Variants in GALNTL6 observed in about 807,000 individuals in gnomAD.
The protein encoded by GALNTL6 is polypeptide N-acetylgalactosaminyltransferase-like 6.
A neutral mutation model predicts 73.7 loss-of-function variants in GALNTL6; 46 were observed. The ratio of observed to expected loss-of-function variants is 0.62; its 90% CI spans 0.49 to 0.80. The LOEUF (loss-of-function observed/expected upper bound fraction) is 0.80. GALNTL6 is among the 30% of genes least tolerant of loss of function. The pLI is 0.00. For missense variants in GALNTL6, 604 were observed against 755.0 expected, an observed-to-expected ratio of 0.80 and a Z score of 2.34; for synonymous variants, 259 against 263.7, an observed-to-expected ratio of 0.98 and a Z score of 0.17.
Position 172,419,613 on chromosome 4 carries a change from T to C in GALNTL6, c.553+70924T>C, listed in dbSNP as rs17058427. The stretch of plus-strand genomic sequence containing the variant: ...TGGAGTGACTTTCGAATTGAGGCTT[T>C]ATGAAGTTAACAAAGAAGAGTTTAT... On this transcript the variant is annotated intron_variant, in intron 5 of 12. Transcript: ENST00000506823. 8.7e-3 allele frequency among the ~76,000 whole-genome samples: 1,329 copies of C among 152,262 alleles called. 23 individuals carry two copies. Among genetic ancestry groups the C allele is most frequent in the African/African-American group, 0.03 (1,267 of 41,556 alleles).
chr4:172,419,766 A>T (rs1049242888), intron 5 of GALNTL6, among the ~76,000 whole-genome samples: 4 of 152,156 alleles, frequency 2.6e-5, no homozygotes, highest in African/African-American at 9.7e-5. Flanking sequence ...CATAAATTTG[A>T]GTGTGACTAA....
At chr4:171,831,804 T>C (rs1022782292) in intron 2 of GALNTL6, among the ~76,000 whole-genome samples, 9 of 151,804 alleles carry the variant, frequency 5.9e-5, no homozygotes, top group Non-Finnish European at 1.0e-4. Flanking sequence ...TCATAATATT[T>C]GTATGCTAAA....
chr4:172,291,623 G>T (rs1233539690), intron 3 of GALNTL6, among the ~76,000 whole-genome samples: 1 of 152,002 alleles, frequency 6.6e-6, no homozygotes, highest in Non-Finnish European at 1.5e-5. Flanking sequence ...CTATAAGATT[G>T]ATGTAGTGTT....
chr4:172,350,249 G>T (rs1741896918), intron 5 of GALNTL6, among the ~76,000 whole-genome samples: 1 of 152,100 alleles, frequency 6.6e-6, no homozygotes, highest in Non-Finnish European at 1.5e-5. Flanking sequence ...TGAACTGGTG[G>T]GTAATAGAGT....
chr4:171,835,553 C>T (rs1735075790), intron 2 of GALNTL6, among the ~76,000 whole-genome samples: 1 of 151,822 alleles, frequency 6.6e-6, no homozygotes, highest in Non-Finnish European at 1.5e-5. Flanking sequence ...TATAATGTAA[C>T]ATTTAATATT....
intron 2 of GALNTL6, among the ~76,000 whole-genome samples, chr4:172,208,074 G>A (rs1285439254): frequency 6.6e-6 from 1 of 152,116 alleles, no homozygotes; most frequent in Non-Finnish European, 1.5e-5. Flanking sequence ...TGATATTTTA[G>A]TTCTTTGTGG....
chr4:172,719,830 C>A (rs1290025382), intron 5 of GALNTL6, among the ~76,000 whole-genome samples: 1 of 152,060 alleles, frequency 6.6e-6, no homozygotes, highest in East Asian at 1.9e-4. Context: ...AGAGCAGCCC[C>A]GAGGGCTGCT....
chr4:172,236,491 C>T (rs1213663418), intron 3 of GALNTL6, among the ~76,000 whole-genome samples: 1 of 148,034 alleles, frequency 6.8e-6, no homozygotes, highest in East Asian at 2.0e-4. Context: ...ACCCGGGAGG[C>T]AGGGCTTGCA....
intron 7 of GALNTL6, among the ~76,000 whole-genome samples, chr4:172,815,152 G>A (rs570474836): frequency 2.6e-4 from 40 of 152,260 alleles, no homozygotes; most frequent in Non-Finnish European, 3.8e-4. Context: ...AAGGTGGGAC[G>A]AGTGACAAGG....
intron 2 of GALNTL6, among the ~76,000 whole-genome samples, chr4:171,989,033 T>G (rs1486862845): frequency 1.3e-5 from 2 of 151,548 alleles, no homozygotes; most frequent in Non-Finnish European, 2.9e-5. Flanking sequence ...TGGGGATAAC[T>G]AAAAAGGAGT....
intron 5 of GALNTL6, among the ~76,000 whole-genome samples, chr4:172,422,763 C>T (rs1186031685): frequency 6.6e-6 from 1 of 151,674 alleles, no homozygotes; most frequent in Admixed American, 6.6e-5. Flanking sequence ...GACCCTTGTT[C>T]CAAAACCTAT....
chr4:172,630,725 C>T (rs1414949496), intron 5 of GALNTL6, among the ~76,000 whole-genome samples: 2 of 149,620 alleles, frequency 1.3e-5, no homozygotes, highest in African/African-American at 4.9e-5. Context: ...ATATATAATA[C>T]ATATATAAAT....
At chr4:172,928,920 G>C (rs999440308) in intron 8 of GALNTL6, among the ~76,000 whole-genome samples, 1 of 152,142 alleles carries the variant, frequency 6.6e-6, no homozygotes, top group Admixed American at 6.5e-5. Flanking sequence ...ATTCTCCATA[G>C]TATGTTAATG....
chr4:172,141,876 CACACAA>C (rs1553996258), intron 2 of GALNTL6, among the ~76,000 whole-genome samples: 4 of 113,560 alleles, frequency 3.5e-5, no homozygotes, highest in South Asian at 3.5e-4. Context: ...GACAAGAACA[CACACAA>C]ACACACACAC....
chr4:172,529,901 C>G (rs78960378), intron 5 of GALNTL6, among the ~76,000 whole-genome samples: 1 of 94,982 alleles, frequency 1.1e-5, no homozygotes, highest in Admixed American at 1.0e-4. Flanking sequence ...ATTTATTTAT[C>G]TATTTATTTA....
At chr4:172,548,600 T>C (rs1447967939) in intron 5 of GALNTL6, among the ~76,000 whole-genome samples, 1 of 152,214 alleles carries the variant, frequency 6.6e-6, no homozygotes, top group Admixed American at 6.6e-5. Flanking sequence ...AATTTTAGCC[T>C]CTATAAATAT....
chr4:172,052,864 A>T lies in GALNTL6; in HGVS notation c.139-176792A>T, dbSNP rs866417658. 3.3e-5 allele frequency among the ~76,000 whole-genome samples: 5 copies of T among 152,136 alleles called. No individual in the cohort carries two copies. In the East Asian group the frequency reaches 7.7e-4, roughly 23 times the overall value. ...CATACATATTCACACACACTCTCTC[A>T]CACACACAATTGTATTTGCCTTAAA... is the stretch of plus-strand genomic sequence containing the variant. On this transcript the variant is annotated intron_variant, in intron 2 of 12. Coordinates refer to ENST00000506823, the MANE Select transcript of GALNTL6 (RefSeq NM_001034845.3).
chr4:172,494,776 C>T lies in GALNTL6; in HGVS notation c.553+146087C>T, dbSNP rs188839260. On this transcript the variant is annotated intron_variant, in intron 5 of 12. Transcript: ENST00000506823. ...GGAGAAAGATGAAGGTCAGAAGACT[C>T]AGCAAGTCCAGTCCATCCATGCTCT... is the stretch of plus-strand genomic sequence containing the variant. Among the ~76,000 whole-genome samples the T allele has an allele frequency of 8.0e-4, 122 of 152,300 alleles. 2 individuals are homozygous for T. In the South Asian group the frequency reaches 0.016, roughly 20 times the overall value.
intron 5 of GALNTL6, among the ~76,000 whole-genome samples, chr4:172,387,650 G>T (rs940083835): frequency 2.6e-5 from 4 of 151,970 alleles, no homozygotes; most frequent in African/African-American, 9.7e-5. Flanking sequence ...AATTCACTGA[G>T]TTTCTTGTAT....
Sources: gnomAD v4.1 joint callset for allele counts (sites outside exome capture counted in the v4.1 genomes callset) on GRCh38, gnomAD v4.1.1 for gene constraint, MANE v1.5 for transcripts, NCBI Gene and HGNC (gene_info 2026-07-23, HGNC 2026-07-21) for gene names.